Variants in NRXN3 observed in about 807,000 individuals in gnomAD.
NRXN3 encodes the protein neurexin III.
Under a neutral mutation model 137.6 loss-of-function variants are expected in NRXN3, and 32 were observed. The observed-to-expected ratio is 0.23, with a 90% confidence interval of 0.18 to 0.31. The LOEUF (loss-of-function observed/expected upper bound fraction) is 0.31, where lower values mean the gene tolerates loss of function less well. Ranked by LOEUF, NRXN3 falls within the 10% of genes least tolerant of loss-of-function variation. NRXN3 has a pLI of 1.00. For missense variants in NRXN3, 1,574 were observed against 2,062.5 expected, an observed-to-expected ratio of 0.76 and a Z score of 4.59; for synonymous variants, 798 against 784.5, an observed-to-expected ratio of 1.02 and a Z score of -0.29.
intron 15 of NRXN3, among the ~76,000 whole-genome samples, chr14:79,081,724 G>T (rs549644169): frequency 6.6e-6 from 1 of 152,006 alleles, no homozygotes; most frequent in Non-Finnish European, 1.5e-5. Context: ...CTCTTATAGA[G>T]GTATGAGCAA....
chr14:78,382,176 A>T (rs1433375341), intron 4 of NRXN3, among the ~76,000 whole-genome samples: 1 of 152,248 alleles, frequency 6.6e-6, no homozygotes, highest in Non-Finnish European at 1.5e-5. Flanking sequence ...AAAAACTGTC[A>T]GCCAATCAGA....
chr14:78,787,569 A>G (rs185559758), intron 8 of NRXN3, among the ~76,000 whole-genome samples: 16 of 152,350 alleles, frequency 1.1e-4, no homozygotes, highest in African/African-American at 3.4e-4. Flanking sequence ...TCAGAGCTAA[A>G]GCCTTTATTC....
intron 4 of NRXN3, among the ~76,000 whole-genome samples, chr14:78,520,432 T>C (rs1227829483): frequency 6.6e-6 from 1 of 152,124 alleles, no homozygotes; most frequent in African/African-American, 2.4e-5. Flanking sequence ...CATATACTTA[T>C]TACGTATTTA....
At chr14:79,689,594 T>A (rs1353182525) in intron 17 of NRXN3, among the ~76,000 whole-genome samples, 3 of 151,370 alleles carry the variant, frequency 2.0e-5, no homozygotes, top group African/African-American at 7.3e-5. Flanking sequence ...ACTTAAAACT[T>A]TTTTCTAAAT....
intron 4 of NRXN3, among the ~76,000 whole-genome samples, chr14:78,594,361 T>C (rs1184926334): frequency 6.6e-6 from 1 of 152,168 alleles, no homozygotes. Context: ...TGAGTTGTCA[T>C]GTCTGTTCTC....
chr14:78,615,329 G>A lies in NRXN3; in HGVS notation c.758-29791G>A, dbSNP rs1055350882. On this transcript the variant is annotated intron_variant, in intron 4 of 20. Transcript: ENST00000335750. ...AAAACTAAGATCCAGGGCCGGGCGC[G>A]GTGGCTCACGCCTATAATCCCAGCA... is the stretch of plus-strand genomic sequence containing the variant. Among the ~76,000 whole-genome samples the A allele has an allele frequency of 3.3e-5, 5 of 151,964 alleles. 1 individual carries two copies. Among genetic ancestry groups the A allele is most frequent in the East Asian group, 1.9e-4 (1 of 5,180 alleles).
At chr14:79,219,882 C>T (rs753166564) in intron 15 of NRXN3, among the ~76,000 whole-genome samples, 1 of 152,190 alleles carries the variant, frequency 6.6e-6, no homozygotes, top group Non-Finnish European at 1.5e-5. Flanking sequence ...AACAAGTATG[C>T]AAAAGCAAGA....
At chr14:79,690,357 T>G (rs2098711941) in intron 17 of NRXN3, among the ~76,000 whole-genome samples, 1 of 152,168 alleles carries the variant, frequency 6.6e-6, no homozygotes, top group African/African-American at 2.4e-5. Context: ...CGCCATGGGC[T>G]ATTGAAACAC....
chr14:78,396,758 T>C (rs1280566225), intron 4 of NRXN3, among the ~76,000 whole-genome samples: 1 of 152,242 alleles, frequency 6.6e-6, no homozygotes, highest in Non-Finnish European at 1.5e-5. Flanking sequence ...AGATTTTTTT[T>C]TGGTCTTCAG....
At chr14:78,513,456 CA>C (rs778565280) in intron 4 of NRXN3, among the ~76,000 whole-genome samples, 10 of 152,102 alleles carry the variant, frequency 6.6e-5, no homozygotes, top group Non-Finnish European at 1.5e-4. Flanking sequence ...AGTTATTTCA[CA>C]ATTGAAATCC....
chr14:78,197,504 G>A (rs1274563078), intron 1 of NRXN3, among the ~76,000 whole-genome samples: 1 of 152,218 alleles, frequency 6.6e-6, no homozygotes, highest in Non-Finnish European at 1.5e-5. Context: ...CAACCGGCAG[G>A]CTGGGCCTCT....
chr14:78,182,608 T>TA (rs1383951341), intron 1 of NRXN3, among the ~76,000 whole-genome samples: 8 of 151,924 alleles, frequency 5.3e-5, no homozygotes, highest in Admixed American at 2.0e-4. Context: ...TAGCTGGGAT[T>TA]ACAGGCAGTG....
chr14:79,627,812 G>A (rs542463947), intron 16 of NRXN3, among the ~76,000 whole-genome samples: 1 of 152,164 alleles, frequency 6.6e-6, no homozygotes, highest in South Asian at 2.1e-4. Flanking sequence ...TGGGTGCTGA[G>A]ATATAGCAGA....
At chr14:79,193,052 AGCCACCACGCCTG>A (rs1246025790) in intron 15 of NRXN3, among the ~76,000 whole-genome samples, 1 of 152,092 alleles carries the variant, frequency 6.6e-6, no homozygotes, top group East Asian at 1.9e-4. Context: ...TACAGGCGTG[AGCCACCACGCCTG>A]GCTATGTACA....
At chr14:78,263,429 C>CAACATAGA (rs2071120774) in intron 2 of NRXN3, among the ~76,000 whole-genome samples, 1 of 152,184 alleles carries the variant, frequency 6.6e-6, no homozygotes, top group Non-Finnish European at 1.5e-5. Context: ...GACCCTGAGG[C>CAACATAGA]CCTTTACCTC....
intron 15 of NRXN3, among the ~76,000 whole-genome samples, chr14:79,212,496 A>G (rs2067823062): frequency 6.6e-6 from 1 of 152,156 alleles, no homozygotes; most frequent in Admixed American, 6.6e-5. Context: ...ATCTTAAAAA[A>G]TCCCAACCAC....
At chr14:79,190,321 C>T (rs545771746) in intron 15 of NRXN3, among the ~76,000 whole-genome samples, 1 of 152,232 alleles carries the variant, frequency 6.6e-6, no homozygotes, top group African/African-American at 2.4e-5. Context: ...TCTTCCCTCT[C>T]TGTATCTATA....
intron 15 of NRXN3, among the ~76,000 whole-genome samples, chr14:79,143,305 T>A (rs1478569577): frequency 6.6e-6 from 1 of 152,262 alleles, no homozygotes; most frequent in Non-Finnish European, 1.5e-5. Flanking sequence ...TTCTTTGTTT[T>A]AGCTCAGTCT....
chr14:79,519,343 AT>A (rs924148440), intron 16 of NRXN3, among the ~76,000 whole-genome samples: 1 of 151,608 alleles, frequency 6.6e-6, no homozygotes, highest in African/African-American at 2.4e-5. Context: ...ACCCTTTTTA[AT>A]TTTTTTGTAA....
Sources: allele counts gnomAD v4.1 joint callset (sites outside exome capture counted in the v4.1 genomes callset), GRCh38; gene constraint gnomAD v4.1.1; transcripts MANE v1.5; gene names NCBI Gene and HGNC (gene_info 2026-07-23, HGNC 2026-07-21).